The following MYOM1 variants were observed in gnomAD, a reference collection of about 807,000 sequenced individuals.
MYOM1 encodes myomesin 1, also known as myomesin-1.
Under a neutral mutation model 205.3 loss-of-function variants are expected in MYOM1, and 164 were observed. That is an observed-to-expected ratio of 0.80 (90% CI 0.70 to 0.91). The LOEUF (loss-of-function observed/expected upper bound fraction) is 0.91. MYOM1 is among the 40% of genes least tolerant of loss of function. The pLI is 0.00. For synonymous variants in MYOM1, 772 were observed against 789.4 expected, an observed-to-expected ratio of 0.98 and a Z score of 0.37; for missense variants, 2,011 against 2,127.3, an observed-to-expected ratio of 0.95 and a Z score of 1.08.
intron 1 of MYOM1, among the ~76,000 whole-genome samples, chr18:3,218,598 A>G (rs556417012): frequency 5.3e-5 from 8 of 152,342 alleles, no homozygotes; most frequent in South Asian, 2.1e-4. Context: ...TAACTACTAG[A>G]TGAATTTTGA....
intron 36 of MYOM1, among the ~76,000 whole-genome samples, chr18:3,072,787 A>G (rs2078976205): frequency 6.6e-6 from 1 of 152,064 alleles, no homozygotes; most frequent in Non-Finnish European, 1.5e-5. Flanking sequence ...TATCATTTTC[A>G]TGGCTGTTTT....
At chr18:3,077,909 G>T (rs935777111) in intron 34 of MYOM1, among the ~76,000 whole-genome samples, 1 of 152,032 alleles carries the variant, frequency 6.6e-6, no homozygotes, top group Non-Finnish European at 1.5e-5. Context: ...CTTTCTAGTC[G>T]CCGTGAATGG....
rs545333956 is a variant in MYOM1, at chr18:3,179,230, C to T, written c.930-3096G>A. Among the ~76,000 whole-genome samples, 4 of 152,180 alleles carry T rather than the reference C, an allele frequency of 2.6e-5. No individual in the cohort carries two copies. The highest frequency in any genetic ancestry group is 4.8e-5 in the African/African-American group (2 of 41,520). On this transcript the variant is annotated intron_variant, in intron 5 of 37. Coordinates refer to ENST00000356443, the MANE Select transcript of MYOM1 (RefSeq NM_003803.4). This position sits in a 1 kb window ranked among gnomAD's most constrained non-coding sequence, Gnocchi z 4.4. ...GAATGAGTCATGGGCAAACAGCAGG[C>T]GCTCAGAATTGGTTAAATTTGGTTG...
At chr18:3,232,761 G>C in the MYOM1 span, among the ~76,000 whole-genome samples, 1 of 152,072 alleles carries the variant, frequency 6.6e-6, no homozygotes, top group Non-Finnish European at 1.5e-5. Context: ...TATGCTATAA[G>C]AAATTAATTA....
At chr18:3,175,758 C>T (rs2080629166) in intron 6 of MYOM1, among the ~76,000 whole-genome samples, 1 of 152,092 alleles carries the variant, frequency 6.6e-6, no homozygotes. Flanking sequence ...AAGAAAAATT[C>T]CCAAGTATAT....
intron 37 of MYOM1, among the ~76,000 whole-genome samples, chr18:3,071,487 T>C (rs1430436263): frequency 2.0e-5 from 3 of 152,106 alleles, no homozygotes; most frequent in African/African-American, 7.2e-5. Flanking sequence ...GCCTACCAAA[T>C]AGCTGGGATT....
chr18:3,239,523 C>T, the MYOM1 span, among the ~76,000 whole-genome samples: 6 of 151,976 alleles, frequency 3.9e-5, no homozygotes, highest in South Asian at 2.1e-4. Context: ...TTGAGGCCAA[C>T]GCAGGCAGAG....
chr18:3,188,635 A>G (rs2080856413), intron 4 of MYOM1, 113 bp downstream of exon 4: 3 of 588,250 alleles, frequency 5.1e-6, no homozygotes, highest in South Asian at 9.4e-5. Context: ...TCTCAAAAGG[A>G]AAAAAAAAAA....
intron 8 of MYOM1, 130 bp from the exon 9 acceptor site, chr18:3,169,111 G>T: frequency 1.3e-6 from 1 of 783,284 alleles, no homozygotes; most frequent in Non-Finnish European, 2.0e-6. Context: ...ATTTAACTGG[G>T]TCAAAATGAA....
chr18:3,188,297 T>A (rs1428458936), intron 4 of MYOM1, among the ~76,000 whole-genome samples: 1 of 152,154 alleles, frequency 6.6e-6, no homozygotes, highest in Non-Finnish European at 1.5e-5. Flanking sequence ...ACGTTTTGTT[T>A]CTCCAAAAGA....
rs1234577904 is a variant in MYOM1 at position 3,168,989 on chromosome 18, C to G, written c.1175-8G>C. ...CATATGGGGTCACACCAACTGGGTACAAAAATAACAAATATCAGTAATTTT... is the reference window on the plus strand; with the variant it reads ...CATATGGGGTCACACCAACTGGGTAGAAAAATAACAAATATCAGTAATTTT... On this transcript the variant is annotated splice_region_variant and splice_polypyrimidine_tract_variant and intron_variant, in intron 8 of 37. Transcript: ENST00000356443. 1.3e-6 allele frequency: 2 copies of G among 1,581,748 alleles called. No individual in the cohort carries two copies. Among genetic ancestry groups the G allele is most frequent in the African/African-American group, 2.8e-5 (2 of 72,220 alleles).
At chr18:3,218,534 T>C (rs1036279823) in intron 1 of MYOM1, among the ~76,000 whole-genome samples, 1 of 152,156 alleles carries the variant, frequency 6.6e-6, no homozygotes, top group African/African-American at 2.4e-5. Flanking sequence ...AACCCTTAAA[T>C]AGATGGCTAT....
At chr18:3,157,680 A>AAAAAAT (rs1555624722) in intron 10 of MYOM1, among the ~76,000 whole-genome samples, 10 of 139,732 alleles carry the variant, frequency 7.2e-5, no homozygotes, top group African/African-American at 7.9e-5. Context: ...TTGTCTCCAA[A>AAAAAAT]AATAATAATA....
At chr18:3,088,070 A>G (rs944674777) in intron 29 of MYOM1, among the ~76,000 whole-genome samples, 2 of 152,188 alleles carry the variant, frequency 1.3e-5, no homozygotes, top group African/African-American at 2.4e-5. Context: ...GAACGACAGC[A>G]TAACAGAACT....
intron 1 of MYOM1, chr18:3,217,064 C>T (rs2081277248): frequency 6.6e-6 from 1 of 152,454 alleles, no homozygotes; most frequent in Non-Finnish European, 1.5e-5. Flanking sequence ...AGAAGACAGC[C>T]ATCCATGAGC....
At chr18:3,102,195 G>T (rs1285992456) in intron 23 of MYOM1, among the ~76,000 whole-genome samples, 1 of 151,560 alleles carries the variant, frequency 6.6e-6, no homozygotes, top group African/African-American at 2.4e-5. Context: ...TAGCAGAGAC[G>T]GGGTTTCACC....
At chr18:3,091,527 T>G (rs1053878877) in intron 26 of MYOM1, among the ~76,000 whole-genome samples, 2 of 151,810 alleles carry the variant, frequency 1.3e-5, no homozygotes, top group Non-Finnish European at 1.5e-5. Flanking sequence ...TTAAATAAAA[T>G]CTCTTCATAA....
At chr18:3,205,290 A>C (rs1384854817) in intron 2 of MYOM1, among the ~76,000 whole-genome samples, 1 of 152,164 alleles carries the variant, frequency 6.6e-6, no homozygotes, top group Admixed American at 6.5e-5. Flanking sequence ...GGAAAAGACA[A>C]GGCACAGAAT....
Position 3,169,038 on chromosome 18 carries a change from C to T in MYOM1, c.1175-57G>A, listed in dbSNP as rs574732471. 49 of 1,419,424 alleles carry T rather than the reference C, an allele frequency of 3.5e-5. No individual in the cohort carries two copies. The Middle Eastern group carries it at 5.3e-4, about 15-fold the overall frequency. The allele number at this position is 1,419,424 out of a possible 1,614,324, so 87.9% of individuals were successfully genotyped here. A position where few individuals can be genotyped will look rare whatever the true frequency, so the allele number is the denominator to read the frequency against. ...TTTTTCTTCATCAAAGAGACACAAG[C>T]ATTTTAATAAGCACAGGCAGAAAGC... On this transcript the variant is annotated intron_variant, in intron 8 of 37. Transcript: ENST00000356443.
Sources: allele counts gnomAD v4.1 joint callset (sites outside exome capture counted in the v4.1 genomes callset), GRCh38; gene constraint gnomAD v4.1.1; non-coding constraint Gnocchi (gnomAD v3.1); transcripts MANE v1.5; gene names NCBI Gene and HGNC (gene_info 2026-07-23, HGNC 2026-07-21).